UGT2B17: variants seen among roughly 807,000 people sequenced by gnomAD.
The protein encoded by UGT2B17 is UDP-glucuronosyltransferase 2B17.
A neutral mutation model predicts 48.2 loss-of-function variants in UGT2B17; 21 were observed. That is an observed-to-expected ratio of 0.44 (90% CI 0.31 to 0.63). The LOEUF is 0.63. UGT2B17 is among the 20% of genes least tolerant of loss of function. The pLI, the probability that UGT2B17 is intolerant of heterozygous loss-of-function variation, is 0.08. For synonymous variants in UGT2B17, 146 were observed against 238.4 expected, an observed-to-expected ratio of 0.61 and a Z score of 3.57; for missense variants, 402 against 696.1, an observed-to-expected ratio of 0.58 and a Z score of 4.75.
rs1240030966 is a variant in UGT2B17, at chr4:68,551,413, G to T, written c.1093+411C>A. Among the ~76,000 whole-genome samples the T allele has an allele frequency of 1.6e-5, 2 of 125,154 alleles. 1 individual carries two copies. The highest frequency in any genetic ancestry group is 1.5e-3 in the East Asian group (2 of 1,318). The allele number at this position is 125,154 out of a possible 152,430, so 82.1% of individuals were successfully genotyped here. On this transcript the variant is annotated intron_variant, in intron 5 of 6. Transcript: ENST00000317746. ...AAATGTGTTATCACTTTATGATAAA[G>T]ATTGGTGATTTATTCCCACAGAAAA...
At chr4:68,548,378 G>A (rs1270513529) in intron 6 of UGT2B17, among the ~76,000 whole-genome samples, 1 of 124,364 alleles carries the variant, frequency 8.0e-6, no homozygotes, top group African/African-American at 2.7e-5. Context: ...TGAACAATGA[G>A]AACACGAGGA....
At position 68,562,523 on chromosome 4, in the gene UGT2B17, C is replaced by T. The variant is rs1300399394; in HGVS notation, c.874-1855G>A. On this transcript the variant is annotated intron_variant, in intron 3 of 6. Transcript: ENST00000317746. ...CCTGTAGCCACATTTAATGTAACTT[C>T]GGTTTAATGTTTTGTCTCATTCACT... 4.0e-5 allele frequency among the ~76,000 whole-genome samples: 5 copies of T among 125,572 alleles called. 1 individual carries two copies. Among genetic ancestry groups the T allele is most frequent in the African/African-American group, 1.4e-4 (5 of 36,800 alleles). 82.4% of individuals were successfully genotyped at this position (125,572 alleles called of 152,430 possible). A position where few individuals can be genotyped will look rare whatever the true frequency, so the allele number is the denominator to read the frequency against.
intron 2 of UGT2B17, 128 bp downstream of exon 2, chr4:68,567,633 C>A (rs1196596974): frequency 4.0e-6 from 3 of 742,192 alleles, no homozygotes; most frequent in African/African-American, 3.8e-5. Flanking sequence ...ACTCATAGAT[C>A]ATCTTACATT....
intron 4 of UGT2B17, among the ~76,000 whole-genome samples, chr4:68,556,298 C>T (rs1388300821): frequency 8.3e-6 from 1 of 120,076 alleles, no homozygotes; most frequent in Non-Finnish European, 1.7e-5. Flanking sequence ...TTTAACTTTT[C>T]TTGCATCTCA....
In UGT2B17 at chr4:68,554,056, G is replaced by A. The variant is rs1343254000; in HGVS notation, c.1006-2145C>T. Among the ~76,000 whole-genome samples the A allele has an allele frequency of 1.2e-4, 15 of 124,896 alleles. 2 individuals carry two copies. The highest frequency in any genetic ancestry group is 2.4e-4 in the Non-Finnish European group (14 of 59,216). The allele number at this position is 124,896 out of a possible 152,430, so 81.9% of individuals were successfully genotyped here. ...AGGCTAGTCCAGGAAACACATATGAGGGCAGATCACCCAGCATTTTGAGCC... is the reference window on the plus strand; with the variant it reads ...AGGCTAGTCCAGGAAACACATATGAAGGCAGATCACCCAGCATTTTGAGCC... On this transcript the variant is annotated intron_variant, in intron 4 of 6. Coordinates refer to ENST00000317746, the MANE Select transcript of UGT2B17 (RefSeq NM_001077.4).
chr4:68,550,641 G>A lies in UGT2B17; in HGVS notation c.1313+36C>T, dbSNP rs1560576855. On this transcript the variant is annotated intron_variant, in intron 6 of 6. Coordinates refer to ENST00000317746, the MANE Select transcript of UGT2B17 (RefSeq NM_001077.4). The stretch of plus-strand genomic sequence containing the variant: ...ATATTCACTGTTGACAAAATAATTT[G>A]TAAGTACCACCTGGTCACAAAATTG... 5.3e-6 allele frequency: 7 copies of A among 1,331,930 alleles called. 2 individuals are homozygous for A. In the Admixed American group the frequency reaches 8.3e-5, roughly 16 times the overall value. The allele number at this position is 1,331,930 out of a possible 1,614,324, so 82.5% of individuals were successfully genotyped here.
rs1297009167 is a variant in UGT2B17, at chr4:68,554,159, G to A, written c.1006-2248C>T. On this transcript the variant is annotated intron_variant, in intron 4 of 6. Transcript: ENST00000317746. ...GGAAACAACTCAGTGGTGACACACT[G>A]TGGAGTACTGCCCACAAGCAGCACA... Among the ~76,000 whole-genome samples the A allele has an allele frequency of 1.6e-5, 2 of 125,704 alleles. 1 individual carries two copies. The highest frequency in any genetic ancestry group is 3.4e-5 in the Non-Finnish European group (2 of 59,322). The allele number at this position is 125,704 out of a possible 152,430, so 82.5% of individuals were successfully genotyped here. A position where few individuals can be genotyped will look rare whatever the true frequency, so the allele number is the denominator to read the frequency against.
rs1182456186 is a variant in UGT2B17 at position 68,558,260 on chromosome 4, A to C, written c.1005+2277T>G. Among the ~76,000 whole-genome samples, 8 of 124,456 alleles carry C rather than the reference A, an allele frequency of 6.4e-5. 1 individual carries two copies. Among genetic ancestry groups the C allele is most frequent in the Admixed American group, 1.7e-4 (2 of 12,064 alleles). The allele number at this position is 124,456 out of a possible 152,430, so 81.6% of individuals were successfully genotyped here. A position where few individuals can be genotyped will look rare whatever the true frequency, so the allele number is the denominator to read the frequency against. The stretch of plus-strand genomic sequence containing the variant: ...CTGTTGTTAGATTCTAGTCTTGCCT[A>C]ATGTTTTTCAATTTTTATTACTGTC... On this transcript the variant is annotated intron_variant, in intron 4 of 6. Coordinates refer to ENST00000317746, the MANE Select transcript of UGT2B17 (RefSeq NM_001077.4).
Position 68,567,755 on chromosome 4 carries a change from A to G in UGT2B17, c.724+6T>C. The G allele has an allele frequency of 1.5e-6, 2 of 1,314,404 alleles. 1 individual carries two copies. The highest frequency in any genetic ancestry group is 1.9e-6 in the Non-Finnish European group (2 of 1,026,588). 81.4% of individuals were successfully genotyped at this position (1,314,404 alleles called of 1,614,324 possible). ...TTAATAAACACCAATTGGACACACG[A>G]CTTACCTAGAACTTCACTATAAAAC... On this transcript the variant is annotated splice_donor_region_variant and intron_variant, in intron 2 of 6. Coordinates refer to ENST00000317746, the MANE Select transcript of UGT2B17 (RefSeq NM_001077.4).
chr4:68,555,569 A>T lies in UGT2B17; in HGVS notation c.1006-3658T>A, dbSNP rs557091410. 5.1e-4 allele frequency among the ~76,000 whole-genome samples: 64 copies of T among 126,552 alleles called. 13 individuals are homozygous for T. Among genetic ancestry groups the T allele is most frequent in the African/African-American group, 1.6e-3 (58 of 37,326 alleles). 83.0% of individuals were successfully genotyped at this position (126,552 alleles called of 152,430 possible). On this transcript the variant is annotated intron_variant, in intron 4 of 6. Transcript: ENST00000317746. ...TAGGTCAGATCTTTTTCACTGTCTC[A>T]GTTATAATTTTGCAATGGCAATTCC...
At position 68,573,264 on chromosome 4, in the gene UGT2B17, T is replaced by C. The variant is rs542160635; in HGVS notation, c.-65+2687A>G. ...AGGCCATTGGCCTTGGCCAGGAACC[T>C]CCAGTCTGGGTTAAAACTCCAACTG... is the stretch of plus-strand genomic sequence containing the variant. On this transcript the variant is annotated intron_variant, in intron 1 of 6. Transcript: ENST00000317746. Among the ~76,000 whole-genome samples the C allele has an allele frequency of 3.6e-4, 46 of 127,318 alleles. 10 individuals are homozygous for C. The highest frequency in any genetic ancestry group is 1.2e-3 in the African/African-American group (45 of 37,242). The allele number at this position is 127,318 out of a possible 152,430, so 83.5% of individuals were successfully genotyped here. A position where few individuals can be genotyped will look rare whatever the true frequency, so the allele number is the denominator to read the frequency against.
At chr4:68,569,223 A>C (rs1228521793) in intron 1 of UGT2B17, among the ~76,000 whole-genome samples, 1 of 127,988 alleles carries the variant, frequency 7.8e-6, no homozygotes, top group African/African-American at 2.7e-5. Context: ...GAGAGGATCC[A>C]CACACCCTCT....
intron 1 of UGT2B17, among the ~76,000 whole-genome samples, chr4:68,574,301 A>T (rs1731336137): frequency 7.9e-6 from 1 of 127,024 alleles, no homozygotes; most frequent in Non-Finnish European, 1.7e-5. Context: ...TTTATACCAG[A>T]TAAGCTAAAT....
chr4:68,550,827 C>A lies in UGT2B17; in HGVS notation c.1163G>T (p.Gly388Val), dbSNP rs1370643461. 7.2e-7 allele frequency: 1 copy of A among 1,383,172 alleles called. No homozygotes were observed. Among genetic ancestry groups the A allele is most frequent in the Non-Finnish European group, 9.4e-7 (1 of 1,060,306 alleles). The allele number at this position is 1,383,172 out of a possible 1,614,324, so 85.7% of individuals were successfully genotyped here. A position where few individuals can be genotyped will look rare whatever the true frequency, so the allele number is the denominator to read the frequency against. Reference protein sequence around the residue: ...TNGIYEAIYHGIPMVGIPLFA... With the variant: ...TNGIYEAIYHVIPMVGIPLFA... ...CAAGGGAATGCCCACCATAGGGATCCCATGGTAGATTGCCTCATAGATGCC... is the reference window on the plus strand; with the variant it reads ...CAAGGGAATGCCCACCATAGGGATCACATGGTAGATTGCCTCATAGATGCC... Residue 388 changes from glycine (G) to valine (V), a missense_variant, in exon 6 of 7, where the codon GGG becomes GTG. Around this residue, in one of 5 missense-constraint regions of UGT2B17, gnomAD observed 156 missense variants for 258.6 expected, o/e 0.60. Transcript: ENST00000317746.
chr4:68,549,145 TA>T lies in UGT2B17; in HGVS notation c.1313+1531del, dbSNP rs112572532. On this transcript the variant is annotated intron_variant, in intron 6 of 6. Coordinates refer to ENST00000317746, the MANE Select transcript of UGT2B17 (RefSeq NM_001077.4). ...ATTTCTTGTCTTACTAATTTTTTGG[TA>T]AAGTGTTTTTAATGTATTCTCTTAG... is the stretch of plus-strand genomic sequence containing the variant. 1.1e-4 allele frequency among the ~76,000 whole-genome samples: 14 copies of T among 124,376 alleles called. 3 individuals are homozygous for T. The highest frequency in any genetic ancestry group is 3.9e-4 in the African/African-American group (14 of 36,172). The allele number at this position is 124,376 out of a possible 152,430, so 81.6% of individuals were successfully genotyped here. A position where few individuals can be genotyped will look rare whatever the true frequency, so the allele number is the denominator to read the frequency against.
intron 3 of UGT2B17, among the ~76,000 whole-genome samples, chr4:68,562,419 C>A (rs1427092615): frequency 7.9e-6 from 1 of 126,090 alleles, no homozygotes; most frequent in Non-Finnish European, 1.7e-5. Flanking sequence ...GGTCTGATAT[C>A]AGTTTTAATT....
At chr4:68,540,670 A>C (rs1400369132) in intron 6 of UGT2B17, among the ~76,000 whole-genome samples, 1 of 126,336 alleles carries the variant, frequency 7.9e-6, no homozygotes, top group African/African-American at 2.7e-5. Context: ...TCCAGGATAC[A>C]TACGCAGAAT....
chr4:68,569,403 A>T (rs1304359059), intron 1 of UGT2B17, among the ~76,000 whole-genome samples: 3 of 124,652 alleles, frequency 2.4e-5, no homozygotes, highest in African/African-American at 8.3e-5. Context: ...AAGCTGAGTC[A>T]AATTAGAGAA....
chr4:68,565,580 A>G lies in UGT2B17; in HGVS notation c.865T>C (p.Leu289=), dbSNP rs143800988. The G allele has an allele frequency of 6.6e-4, 903 of 1,369,026 alleles. 220 individuals are homozygous for G. Among genetic ancestry groups the G allele is most frequent in the African/African-American group, 1.3e-3 (87 of 67,260 alleles). 84.8% of individuals were successfully genotyped at this position (1,369,026 alleles called of 1,614,324 possible). A position where few individuals can be genotyped will look rare whatever the true frequency, so the allele number is the denominator to read the frequency against. ...GGLHCKPAKP[L]PKEMEEFVQS... is the part of the protein sequence containing the mutation. ...AACAAGAATATGTTCACCTTAGGCA[A>G]GGGTTTGGCTGGTTTACAGTGAAGT... is the stretch of plus-strand genomic sequence containing the variant. Residue 289 remains leucine, a synonymous_variant, in exon 3 of 7, where the codon TTG becomes CTG. Transcript: ENST00000317746.
Sources: allele counts gnomAD v4.1 joint callset (sites outside exome capture counted in the v4.1 genomes callset), GRCh38; gene constraint gnomAD v4.1.1; regional missense constraint gnomAD v4.1.1; transcripts MANE v1.5; gene names NCBI Gene and HGNC (gene_info 2026-07-23, HGNC 2026-07-21).